ZNF365: variants seen among roughly 807,000 people sequenced by gnomAD.
ZNF365 encodes the protein protein ZNF365.
ZNF365 carries 22 observed loss-of-function variants against 35.0 expected under a neutral mutation model. The observed-to-expected ratio is 0.63, with a 90% CI of 0.45 to 0.90. ZNF365 has a LOEUF of 0.90. ZNF365 is among the 40% of genes least tolerant of loss of function. The pLI is 0.00. For missense variants in ZNF365, 448 were observed against 500.3 expected, an observed-to-expected ratio of 0.90 and a Z score of 1.00; for synonymous variants, 188 against 196.2, an observed-to-expected ratio of 0.96 and a Z score of 0.35.
intron 3 of ZNF365, among the ~76,000 whole-genome samples, chr10:62,450,623 A>G (rs1027887053): frequency 6.6e-6 from 1 of 152,196 alleles, no homozygotes; most frequent in African/African-American, 2.4e-5. Context: ...TTCTCCAAGT[A>G]AAGTTAGGAG....
intron 3 of ZNF365, among the ~76,000 whole-genome samples, chr10:62,412,989 G>C (rs1176567312): frequency 6.6e-6 from 1 of 152,160 alleles, no homozygotes. Context: ...GAGCAAGTTG[G>C]AAAGAGAGAA....
intron 3 of ZNF365, among the ~76,000 whole-genome samples, chr10:62,431,817 G>C (rs957628502): frequency 9.2e-5 from 14 of 152,026 alleles, no homozygotes; most frequent in Non-Finnish European, 2.1e-4. Context: ...TTTAAGTAGA[G>C]AGGTTTAAAT....
rs1839558739 is a variant in ZNF365, at chr10:62,388,381, A to T, written c.744-15A>T. 4 of 1,613,962 alleles carry T rather than the reference A, an allele frequency of 2.5e-6. No homozygotes were observed. In the East Asian group the frequency reaches 8.9e-5, roughly 36 times the overall value. ...TTATATTTCCCTTTTGTGTTCTGAC[A>T]TTTTTGCCTTGCAGAGAAGTTGTCA... On this transcript the variant is annotated splice_polypyrimidine_tract_variant and intron_variant, in intron 2 of 4. Coordinates refer to ENST00000395254, the MANE Select transcript of ZNF365 (RefSeq NM_014951.3).
chr10:62,375,816 T>C (rs1839313593), intron 1 of ZNF365: 1 of 188,140 alleles, frequency 5.3e-6, no homozygotes, highest in South Asian at 1.1e-4. Flanking sequence ...TGCTTCAGTG[T>C]TCTCTTCTGT....
Position 62,401,378 on chromosome 10 carries a change from G to A in ZNF365, c.*1589G>A, listed in dbSNP as rs1245905705. ...CGCATTAAAAATAGGAAATAAAGCA[G>A]TTGCTTAAAATGCCAGTCAATTGAA... On this transcript the variant is annotated 3_prime_UTR_variant, in exon 5 of 5. Transcript: ENST00000395254. The A allele has an allele frequency of 1.0e-6, 1 of 985,334 alleles. No homozygotes were observed. Among genetic ancestry groups the A allele is most frequent in the Admixed American group, 6.1e-5 (1 of 16,262 alleles). 61.0% of individuals were successfully genotyped at this position (985,334 alleles called of 1,614,324 possible). A position where few individuals can be genotyped will look rare whatever the true frequency, so the allele number is the denominator to read the frequency against.
intron 3 of ZNF365, among the ~76,000 whole-genome samples, chr10:62,425,078 T>G (rs1234625787): frequency 6.6e-6 from 1 of 152,168 alleles, no homozygotes; most frequent in African/African-American, 2.4e-5. Context: ...CAAGAGTCCC[T>G]TGTTTTTCAA....
At chr10:62,415,857 A>G (rs1332960680) in intron 3 of ZNF365, among the ~76,000 whole-genome samples, 1 of 152,172 alleles carries the variant, frequency 6.6e-6, no homozygotes, top group African/African-American at 2.4e-5. Context: ...CCTAGGAAAA[A>G]GTGACTGCCT....
At chr10:62,384,574 C>T (rs780256219) in intron 2 of ZNF365, among the ~76,000 whole-genome samples, 3 of 152,190 alleles carry the variant, frequency 2.0e-5, no homozygotes, top group Non-Finnish European at 4.4e-5. Context: ...GGTAGTTCCA[C>T]ATTCAGTCTG....
chr10:62,478,873 C>T (rs1471459831), intron 4 of ZNF365, among the ~76,000 whole-genome samples: 1 of 152,202 alleles, frequency 6.6e-6, no homozygotes, highest in Admixed American at 6.5e-5. Context: ...CATGCCCTGC[C>T]ACAAGTGTCG....
chr10:62,419,600 A>G (rs1264187196), intron 3 of ZNF365, among the ~76,000 whole-genome samples: 2 of 151,950 alleles, frequency 1.3e-5, no homozygotes, highest in African/African-American at 4.8e-5. Flanking sequence ...CACATTGTTT[A>G]GCTATTGAGC....
At chr10:62,430,969 C>T (rs1840325534) in intron 3 of ZNF365, among the ~76,000 whole-genome samples, 2 of 152,152 alleles carry the variant, frequency 1.3e-5, no homozygotes, top group African/African-American at 4.8e-5. Context: ...CATTTTGTGG[C>T]TGTTTATATC....
chr10:62,461,572 C>A (rs1032254964), intron 4 of ZNF365, among the ~76,000 whole-genome samples: 1 of 152,202 alleles, frequency 6.6e-6, no homozygotes, highest in African/African-American at 2.4e-5. Flanking sequence ...ATCCCATCCC[C>A]CTCCCATTCC....
At chr10:62,380,068 T>G (rs2132409662) in intron 2 of ZNF365, among the ~76,000 whole-genome samples, 1 of 152,380 alleles carries the variant, frequency 6.6e-6, no homozygotes, top group East Asian at 1.9e-4. Context: ...TTAAAATCCT[T>G]TCTTTCAAGT....
At chr10:62,443,546 A>G (rs1840536290) in intron 3 of ZNF365, among the ~76,000 whole-genome samples, 2 of 152,170 alleles carry the variant, frequency 1.3e-5, no homozygotes, top group African/African-American at 4.8e-5. Context: ...GCATATGTAT[A>G]TGTCTCTTGG....
intron 3 of ZNF365, among the ~76,000 whole-genome samples, chr10:62,434,577 G>T (rs957431590): frequency 1.3e-5 from 2 of 152,148 alleles, no homozygotes; most frequent in African/African-American, 4.8e-5. Context: ...AGCAGGGAAA[G>T]CACTGAAAGC....
In ZNF365 at chr10:62,389,692, C is replaced by T. The variant is rs559064763; in HGVS notation, c.924+1116C>T. Among the ~76,000 whole-genome samples, 4 of 152,172 alleles carry T rather than the reference C, an allele frequency of 2.6e-5. No individual in the cohort carries two copies. In the South Asian group the frequency reaches 6.2e-4, roughly 24 times the overall value. The stretch of plus-strand genomic sequence containing the variant: ...ACAGCAGAGAGGAAGGGAGGAAGGA[C>T]GGAAAGAAATGAAGAAATCCTACAT... On this transcript the variant is annotated intron_variant, in intron 3 of 4. Coordinates refer to ENST00000395254, the MANE Select transcript of ZNF365 (RefSeq NM_014951.3).
intron 2 of ZNF365, among the ~76,000 whole-genome samples, chr10:62,387,566 T>C (rs932309299): frequency 2.0e-5 from 3 of 152,198 alleles, no homozygotes; most frequent in South Asian, 2.1e-4. Context: ...TTGTGAATTA[T>C]GTAGATAAAG....
At chr10:62,398,266 C>T (rs775436871) in intron 3 of ZNF365, among the ~76,000 whole-genome samples, 12 of 152,144 alleles carry the variant, frequency 7.9e-5, no homozygotes, top group African/African-American at 2.9e-4. Context: ...ACTACTCAGC[C>T]ATAAAATGGA....
intron 3 of ZNF365, among the ~76,000 whole-genome samples, chr10:62,435,078 G>GGTAT (rs1170436891): frequency 1.3e-5 from 2 of 152,066 alleles, no homozygotes; most frequent in African/African-American, 4.8e-5. Context: ...GGTGGAAAGG[G>GGTAT]GTATTTTGGA....
Sources: allele counts gnomAD v4.1 joint callset (sites outside exome capture counted in the v4.1 genomes callset), GRCh38; gene constraint gnomAD v4.1.1; transcripts MANE v1.5; gene names NCBI Gene and HGNC (gene_info 2026-07-23, HGNC 2026-07-21).